Variants in APBA1 observed in about 807,000 individuals in gnomAD.
APBA1 encodes amyloid beta precursor protein binding family A member 1.
Under a neutral mutation model 86.6 loss-of-function variants are expected in APBA1, and 55 were observed. That is an observed-to-expected ratio of 0.64 (90% CI 0.51 to 0.80). The LOEUF is 0.80. Ranked by LOEUF, APBA1 falls within the 30% of genes least tolerant of loss-of-function variation. The pLI is 0.00. For synonymous variants in APBA1, 511 were observed against 493.9 expected (o/e 1.03, Z -0.46); for missense variants, 1,090 against 1,183.0 (o/e 0.92, Z 1.15).
At chr9:69,644,306 A>C (rs543610761) in intron 1 of APBA1, among the ~76,000 whole-genome samples, 11 of 152,148 alleles carry the variant, frequency 7.2e-5, no homozygotes, top group Admixed American at 2.6e-4. Flanking sequence ...CCTGTTTTAC[A>C]TGTCTACTAA....
intron 1 of APBA1, among the ~76,000 whole-genome samples, chr9:69,587,853 C>T (rs1007090310): frequency 2.0e-5 from 3 of 151,790 alleles, no homozygotes; most frequent in East Asian, 1.9e-4. Flanking sequence ...AGTGAAACCC[C>T]GTCTCTACCA....
In APBA1 at chr9:69,486,124, G is replaced by A. The variant is rs542801060; in HGVS notation, c.1201-9981C>T. Among the ~76,000 whole-genome samples the A allele has an allele frequency of 7.7e-4, 117 of 152,030 alleles. 1 individual carries two copies. The South Asian group carries it at 0.024, about 31-fold the overall frequency. The stretch of plus-strand genomic sequence containing the variant: ...ACACCACCACACCCAGCTAATTTTT[G>A]TATTTTTGGTAGAGATGGGGTTTCA... On this transcript the variant is annotated intron_variant, in intron 2 of 12. Coordinates refer to ENST00000265381, the MANE Select transcript of APBA1 (RefSeq NM_001163.4).
intron 1 of APBA1, among the ~76,000 whole-genome samples, chr9:69,533,645 G>A (rs1836465115): frequency 6.6e-6 from 1 of 152,160 alleles, no homozygotes; most frequent in African/African-American, 2.4e-5. Flanking sequence ...CAAATTGCAG[G>A]GGTGGGAGTG....
At chr9:69,572,549 T>C (rs1193397888) in intron 1 of APBA1, among the ~76,000 whole-genome samples, 1 of 152,172 alleles carries the variant, frequency 6.6e-6, no homozygotes, top group Non-Finnish European at 1.5e-5. Flanking sequence ...TCTCACTTCA[T>C]CTCTACTGTG....
chr9:69,570,193 C>T (rs1837094155), intron 1 of APBA1, among the ~76,000 whole-genome samples: 2 of 152,164 alleles, frequency 1.3e-5, no homozygotes, highest in Admixed American at 1.3e-4. Flanking sequence ...GAAGTATTCA[C>T]TTTAATATAA....
intron 1 of APBA1, among the ~76,000 whole-genome samples, chr9:69,646,792 T>C (rs901011532): frequency 1.3e-5 from 2 of 152,212 alleles, no homozygotes; most frequent in African/African-American, 4.8e-5. Context: ...CATTTGTCTC[T>C]TGCATTTTAT....
chr9:69,661,741 G>A (rs1823755792), intron 1 of APBA1, among the ~76,000 whole-genome samples: 1 of 152,112 alleles, frequency 6.6e-6, no homozygotes, highest in Non-Finnish European at 1.5e-5. Context: ...CTCTTGCAAG[G>A]ATGGAATAGT....
At chr9:69,446,862 G>T (rs138013393) in intron 10 of APBA1, among the ~76,000 whole-genome samples, 1 of 152,192 alleles carries the variant, frequency 6.6e-6, no homozygotes, top group Non-Finnish European at 1.5e-5. Context: ...CTCAGGAAGC[G>T]CGGCTTGTTC....
chr9:69,599,480 G>C (rs1200959075), intron 1 of APBA1, among the ~76,000 whole-genome samples: 1 of 152,076 alleles, frequency 6.6e-6, no homozygotes, highest in Non-Finnish European at 1.5e-5. Flanking sequence ...AAATTGTTCG[G>C]TAAAACACTC....
chr9:69,517,083 T>G lies in APBA1; in HGVS notation c.128A>C (p.Gln43Pro), dbSNP rs1304254255. The part of the protein sequence containing the change: ...EVEEEQQQPP[Q>P]QQHYVGRHQR... ...GTGGCGGCCCACATAGTGCTGCTGC[T>G]GCGGCGGCTGCTGCTGTTCCTCTTC... The change falls in exon 2 of 13, where the codon CAG (glutamine) becomes CCG (proline). Residue 43 changes from glutamine (Q) to proline (P), a missense_variant. Gln to Pro is a moderately conservative substitution (Grantham distance 76, BLOSUM62 -1). Around this residue, in one of 6 missense-constraint regions of APBA1, gnomAD observed 678 missense variants for 647.1 expected, o/e 1.05. Transcript: ENST00000265381. 6.3e-7 allele frequency: 1 copy of G among 1,579,964 alleles called. No individual in the cohort carries two copies. The highest frequency in any genetic ancestry group is 8.6e-7 in the Non-Finnish European group (1 of 1,168,572).
intron 1 of APBA1, among the ~76,000 whole-genome samples, chr9:69,558,567 T>C (rs1398995973): frequency 2.4e-4 from 34 of 143,190 alleles, no homozygotes; most frequent in African/African-American, 8.5e-4. Flanking sequence ...CACACATATA[T>C]ATATATATAT....
intron 1 of APBA1, among the ~76,000 whole-genome samples, chr9:69,571,814 T>C (rs986426483): frequency 1.2e-4 from 18 of 152,230 alleles, no homozygotes; most frequent in Admixed American, 3.3e-4. Flanking sequence ...TGGGCTATTA[T>C]AACTCATGCT....
rs529504836 is a variant in APBA1, at chr9:69,444,368, T to A, written c.2182-3253A>T. Among the ~76,000 whole-genome samples the A allele has an allele frequency of 2.0e-5, 3 of 152,316 alleles. No homozygotes were observed. In the East Asian group the frequency reaches 5.8e-4, roughly 29 times the overall value. ...CATCGTCCCCATCGACAAAGGGAGA[T>A]GCTCTGGCCTTCTGCTCCTATCAAT... On this transcript the variant is annotated intron_variant, in intron 10 of 12. Transcript: ENST00000265381.
At chr9:69,483,821 C>T (rs1205759899) in intron 2 of APBA1, among the ~76,000 whole-genome samples, 1 of 152,046 alleles carries the variant, frequency 6.6e-6, no homozygotes, top group Non-Finnish European at 1.5e-5. Context: ...CATAAAGAAC[C>T]CCAGACCCCA....
intron 2 of APBA1, among the ~76,000 whole-genome samples, chr9:69,497,455 C>A (rs956696806): frequency 3.3e-5 from 5 of 152,076 alleles, no homozygotes; most frequent in African/African-American, 4.8e-5. Flanking sequence ...ACAGAGGGGA[C>A]CTGGAGGCCA....
chr9:69,486,980 G>C (rs1247085705), intron 2 of APBA1, among the ~76,000 whole-genome samples: 1 of 151,796 alleles, frequency 6.6e-6, no homozygotes. Flanking sequence ...AAAGGAGTGA[G>C]AGATTGAGTT....
chr9:69,635,313 G>C (rs1347651565), intron 1 of APBA1, among the ~76,000 whole-genome samples: 2 of 151,982 alleles, frequency 1.3e-5, no homozygotes, highest in African/African-American at 4.8e-5. Flanking sequence ...AATAATGAGT[G>C]TATTATCTAC....
At chr9:69,444,728 C>A (rs1834879744) in intron 10 of APBA1, among the ~76,000 whole-genome samples, 1 of 152,206 alleles carries the variant, frequency 6.6e-6, no homozygotes, top group Admixed American at 6.5e-5. Context: ...GACATTCATG[C>A]AGATATTTTT....
intron 2 of APBA1, among the ~76,000 whole-genome samples, chr9:69,500,574 T>C (rs1835866282): frequency 6.6e-6 from 1 of 152,060 alleles, no homozygotes. Context: ...AGGAGAACGA[T>C]GAGACACCGA....
Sources: allele counts gnomAD v4.1 joint callset (sites outside exome capture counted in the v4.1 genomes callset), GRCh38; gene constraint gnomAD v4.1.1; regional missense constraint gnomAD v4.1.1; transcripts MANE v1.5; gene names NCBI Gene and HGNC (gene_info 2026-07-23, HGNC 2026-07-21).